Variants in CHGB observed in about 807,000 individuals in gnomAD.
CHGB encodes secretogranin-1.
CHGB carries 46 observed loss-of-function variants against 69.9 expected under a neutral mutation model. That is an observed-to-expected ratio of 0.66 (90% CI 0.52 to 0.84). The LOEUF (loss-of-function observed/expected upper bound fraction) is 0.84. Among genes scored for constraint, CHGB ranks in the 40% least tolerant of loss-of-function variants. The pLI, the probability that CHGB is intolerant of heterozygous loss-of-function variation, is 0.00. For missense variants in CHGB, 796 were observed against 822.2 expected, an observed-to-expected ratio of 0.97 and a Z score of 0.39; for synonymous variants, 312 against 298.2, an observed-to-expected ratio of 1.05 and a Z score of -0.48.
chr20:5,918,590 A>G (rs2088493173), intron 3 of CHGB, among the ~76,000 whole-genome samples: 1 of 151,778 alleles, frequency 6.6e-6, no homozygotes, highest in South Asian at 2.1e-4. Flanking sequence ...AGGCGGGCGG[A>G]TCACAAGGTC....
chr20:5,918,916 A>AG (rs2088496532), intron 3 of CHGB, among the ~76,000 whole-genome samples: 1 of 145,784 alleles, frequency 6.9e-6, no homozygotes, highest in Admixed American at 6.9e-5. Context: ...CTGAGCCTTT[A>AG]GGGACCCTAG....
rs1289872260 is a variant in CHGB at position 5,917,032 on chromosome 20, G to A, written c.190+113G>A. On this transcript the variant is annotated intron_variant, in intron 3 of 4. Coordinates refer to ENST00000378961, the MANE Select transcript of CHGB (RefSeq NM_001819.3). ...AATGACCTGGGGGCATAATGCACTA[G>A]GAAGAGTATTGATTGACTAGGCCAG... 3.2e-5 allele frequency: 30 copies of A among 950,370 alleles called. No individual in the cohort carries two copies. The East Asian group carries it at 7.3e-4, about 23-fold the overall frequency. The allele number at this position is 950,370 out of a possible 1,614,324, so 58.9% of individuals were successfully genotyped here. A position where few individuals can be genotyped will look rare whatever the true frequency, so the allele number is the denominator to read the frequency against.
chr20:5,916,660 A>G (rs1000853145), intron 2 of CHGB, among the ~76,000 whole-genome samples, 166 bp from the exon 3 acceptor site: 3 of 152,230 alleles, frequency 2.0e-5, no homozygotes, highest in South Asian at 2.1e-4. Context: ...TCTGTGTAGA[A>G]GTTTGGAAGA....
intron 1 of CHGB, 140 bp downstream of exon 1, chr20:5,911,822 C>A (rs2088448721): frequency 1.2e-6 from 1 of 830,656 alleles, no homozygotes; most frequent in Non-Finnish European, 1.7e-6. Flanking sequence ...CGTTTCTTCT[C>A]CTCCCTGGGT....
At chr20:5,924,283 A>G (rs2088537058) in intron 4 of CHGB, among the ~76,000 whole-genome samples, 183 bp downstream of exon 4, 1 of 152,180 alleles carries the variant, frequency 6.6e-6, no homozygotes, top group South Asian at 2.1e-4. Flanking sequence ...GCCATCGTCC[A>G]CATCCTTGTC....
In CHGB at chr20:5,922,384, G is replaced by A. The variant is rs1353653727; in HGVS notation, c.240G>A (p.Lys80=). ...DKETTENENT[K]FEVRLLRDPA... is the part of the protein sequence containing the mutation. ...AGACAACTGAAAATGAAAACACAAA[G>A]TTTGAAGTAAGATTGTTAAGAGACC... Residue 80 remains lysine (K), a synonymous_variant, in exon 4 of 5, where the codon AAG becomes AAA. Coordinates refer to ENST00000378961, the MANE Select transcript of CHGB (RefSeq NM_001819.3). 6.3e-7 allele frequency: 1 copy of A among 1,577,558 alleles called. No individual in the cohort carries two copies. Among genetic ancestry groups the A allele is most frequent in the Non-Finnish European group, 8.6e-7 (1 of 1,157,666 alleles).
chr20:5,920,854 C>T (rs1460835110), intron 3 of CHGB, among the ~76,000 whole-genome samples: 1 of 152,202 alleles, frequency 6.6e-6, no homozygotes, highest in Non-Finnish European at 1.5e-5. Context: ...TTCATTGCCT[C>T]ATAAACATGA....
At chr20:5,917,265 G>A (rs896987147) in intron 3 of CHGB, 1 of 227,500 alleles carries the variant, frequency 4.4e-6, no homozygotes, top group East Asian at 1.0e-4. Flanking sequence ...GGGTGGAGGG[G>A]GTTTGGGAAA....
At position 5,923,661 on chromosome 20, in the gene CHGB, A is replaced by ATAGC. The variant is rs1245765297; in HGVS notation, c.1519_1522dup (p.Ser508Ter). ...GAAGCTAGGTTTCAAGATAAACAAT[A>ATAGC]TAGCTCCCATCACACAGCTGAAAAG... On this transcript the variant is annotated frameshift_variant, in exon 4 of 5. Transcript: ENST00000378961. LOFTEE classifies it high-confidence loss of function. 6.2e-7 allele frequency: 1 copy of ATAGC among 1,614,146 alleles called. No homozygotes were observed. Among genetic ancestry groups the ATAGC allele is most frequent in the Non-Finnish European group, 8.5e-7 (1 of 1,180,032 alleles).
Position 5,923,727 on chromosome 20 carries a change from C to T in CHGB, c.1583C>T (p.Pro528Leu). 1 of 1,614,166 alleles carries T rather than the reference C, an allele frequency of 6.2e-7. No individual in the cohort carries two copies. The highest frequency in any genetic ancestry group is 1.1e-5 in the South Asian group (1 of 91,074). ...LGELFNPYYD[P>L]LQWKSSHFER... ...GAACTGTTCAACCCATACTACGACC[C>T]TCTCCAGTGGAAGAGCAGCCATTTT... Residue 528 changes from proline to leucine, a missense_variant, in exon 4 of 5, where the codon CCT (proline) becomes CTT (leucine). By Grantham distance (98) the Pro-to-Leu change is moderately conservative. Transcript: ENST00000378961.
chr20:5,924,380 T>C (rs1259806858), intron 4 of CHGB, among the ~76,000 whole-genome samples: 4 of 152,200 alleles, frequency 2.6e-5, no homozygotes, highest in Admixed American at 1.3e-4. Context: ...TTAGAGATTC[T>C]GTCTACTTAG....
chr20:5,912,100 G>T (rs1285751521), intron 1 of CHGB, among the ~76,000 whole-genome samples: 1 of 152,138 alleles, frequency 6.6e-6, no homozygotes, highest in African/African-American at 2.4e-5. Context: ...AGGAATACAT[G>T]TATGATGCTA....
Position 5,923,996 on chromosome 20 carries a change from G to T in CHGB, c.1852G>T (p.Ala618Ser). Reference protein sequence around the residue: ...DQLLHYRKKSAEFPDFYDSEE... With the variant: ...DQLLHYRKKSSEFPDFYDSEE... ...GCTCCTTCACTACAGGAAGAAGTCA[G>T]CTGAGTTTCCAGACTTCTATGATTC... Residue 618 changes from alanine to serine, a missense_variant, in exon 4 of 5, where the codon GCT becomes TCT. By Grantham distance (99) the Ala-to-Ser change is moderately conservative (BLOSUM62 1). Around this residue, in one of 3 missense-constraint regions of CHGB, gnomAD observed 274 missense variants for 298.9 expected, o/e 0.92. Transcript: ENST00000378961. 1 of 1,614,070 alleles carries T rather than the reference G, an allele frequency of 6.2e-7. No individual in the cohort carries two copies. Among genetic ancestry groups the T allele is most frequent in the East Asian group, 2.2e-5 (1 of 44,872 alleles).
Position 5,924,956 on chromosome 20 carries a change from T to C in CHGB, c.1957-16T>C. ...TGGTTCGGGACCTCATGCCTCCACT[T>C]TTCTGTATTTTCCAGAAAAAAGAAC... On this transcript the variant is annotated splice_polypyrimidine_tract_variant and intron_variant, in intron 4 of 4. Coordinates refer to ENST00000378961, the MANE Select transcript of CHGB (RefSeq NM_001819.3). 1.3e-6 allele frequency: 2 copies of C among 1,583,770 alleles called. No individual in the cohort carries two copies. The highest frequency in any genetic ancestry group is 1.7e-6 in the Non-Finnish European group (2 of 1,153,182).
In CHGB at chr20:5,923,982, A is replaced by G. The variant is rs766702026; in HGVS notation, c.1838A>G (p.Tyr613Cys). The change falls in exon 4 of 5, where the codon TAC (tyrosine) becomes TGC (cysteine). Residue 613 changes from tyrosine (Y) to cysteine (C), a missense_variant. Physicochemically the swap from Tyr to Cys is radical, Grantham distance 194. Around this residue, in one of 3 missense-constraint regions of CHGB, gnomAD observed 274 missense variants for 298.9 expected, o/e 0.92. Coordinates refer to ENST00000378961, the MANE Select transcript of CHGB (RefSeq NM_001819.3). ...GCCCAACTGGACCAGCTCCTTCACT[A>G]CAGGAAGAAGTCAGCTGAGTTTCCA... is the stretch of plus-strand genomic sequence containing the variant. ...RVAQLDQLLH[Y>C]RKKSAEFPDF... 3.1e-6 allele frequency: 5 copies of G among 1,613,958 alleles called. No homozygotes were observed. In the East Asian group the frequency reaches 8.9e-5, roughly 29 times the overall value.
chr20:5,923,387 A>G lies in CHGB; in HGVS notation c.1243A>G (p.Lys415Glu), dbSNP rs2088529168. The change falls in exon 4 of 5, where the codon AAG (lysine) becomes GAG (glutamate). Residue 415 changes from lysine to glutamate, a missense_variant. Physicochemically the swap from Lys to Glu is moderately conservative, Grantham distance 56. This residue lies in a region of CHGB where 4 missense variants were observed against 17.0 expected (regional missense o/e 0.24). Coordinates refer to ENST00000378961, the MANE Select transcript of CHGB (RefSeq NM_001819.3). The stretch of plus-strand genomic sequence containing the variant: ...GGAAGAGAGGGGCCTTGAGCCGGGA[A>G]AGGGACGCCATCACAGAGGCAGGGG... ...SEEERGLEPG[K>E]GRHHRGRGGE... The G allele has an allele frequency of 6.2e-7, 1 of 1,613,884 alleles. No homozygotes were observed.
chr20:5,923,011 G>T lies in CHGB; in HGVS notation c.867G>T (p.Arg289Ser). The T allele has an allele frequency of 6.2e-7, 1 of 1,611,692 alleles. No homozygotes were observed. The highest frequency in any genetic ancestry group is 8.5e-7 in the Non-Finnish European group (1 of 1,178,854). Residue 289 changes from arginine (R) to serine (S), a missense_variant, in exon 4 of 5, where the codon AGG (arginine) becomes AGT (serine). Physicochemically the swap from Arg to Ser is moderately radical, Grantham distance 110. Around this residue, in one of 3 missense-constraint regions of CHGB, gnomAD observed 518 missense variants for 506.3 expected, o/e 1.02. Transcript: ENST00000378961. ...TRPRHHHGRS[R>S]PDRSSQGGSL... ...CCAGACACCACCACGGGAGGAGCAG[G>T]CCCGACAGGTCCTCTCAAGGAGGGA...
intron 3 of CHGB, among the ~76,000 whole-genome samples, chr20:5,920,329 A>T (rs533600911): frequency 6.6e-6 from 1 of 152,030 alleles, no homozygotes; most frequent in Admixed American, 6.6e-5. Context: ...ATTTCAACCA[A>T]CTCTCAGAAT....
chr20:5,915,032 C>A lies in CHGB; in HGVS notation c.50-1294C>A, dbSNP rs542793274. Among the ~76,000 whole-genome samples, 19 of 152,308 alleles carry A rather than the reference C, an allele frequency of 1.2e-4. No homozygotes were observed. The East Asian group carries it at 3.5e-3, about 28-fold the overall frequency. ...TTCATGTCTGATGTCTGAGAACTTG[C>A]CCCAGCTAGCTCTACTCTCTTCTCA... On this transcript the variant is annotated intron_variant, in intron 1 of 4. Transcript: ENST00000378961.
Sources: gnomAD v4.1 joint callset for allele counts (sites outside exome capture counted in the v4.1 genomes callset) on GRCh38, gnomAD v4.1.1 for gene constraint, gnomAD v4.1.1 regional missense constraint, MANE v1.5 for transcripts, NCBI Gene and HGNC (gene_info 2026-07-23, HGNC 2026-07-21) for gene names.